ATP7B: variants seen among roughly 807,000 people sequenced by gnomAD.
ATP7B encodes the protein ATPase copper transporting beta.
ATP7B carries 113 observed loss-of-function variants against 118.9 expected under a neutral mutation model. That is an observed-to-expected ratio of 0.95 (90% confidence interval 0.82 to 1.11). ATP7B has a LOEUF of 1.11. ATP7B is among the 50% of genes most tolerant of loss of function. ATP7B has a pLI of 0.00. For synonymous variants in ATP7B, 777 were observed against 727.4 expected (o/e 1.07, Z -1.10); for missense variants, 1,867 against 1,871.4 (o/e 1.00, Z 0.04).
chr13:51,975,411 A>T (rs1350897323), intron 1 of ATP7B: 3 of 675,352 alleles, frequency 4.4e-6, no homozygotes, highest in South Asian at 1.4e-5. Context: ...TCGTTCTCAC[A>T]CAACAGACGT....
chr13:51,990,408 G>T (rs1952851812), intron 1 of ATP7B, among the ~76,000 whole-genome samples: 2 of 151,906 alleles, frequency 1.3e-5, no homozygotes, highest in South Asian at 4.2e-4. Context: ...CCATCGAACA[G>T]AAATCTATGT....
At chr13:51,968,915 C>T (rs1480292927) in intron 3 of ATP7B, among the ~76,000 whole-genome samples, 1 of 144,804 alleles carries the variant, frequency 6.9e-6, no homozygotes, top group Non-Finnish European at 1.5e-5. Flanking sequence ...AGGCTGGGTA[C>T]AGTAGCATGA....
chr13:51,972,298 C>T (rs572691348), intron 2 of ATP7B, among the ~76,000 whole-genome samples: 1 of 152,332 alleles, frequency 6.6e-6, no homozygotes, highest in African/African-American at 2.4e-5. Flanking sequence ...CGATTCAGAC[C>T]TTGGCCTCTG....
At chr13:51,966,869 G>A in intron 4 of ATP7B, 3 of 1,612,798 alleles carry the variant, frequency 1.9e-6, no homozygotes, top group Non-Finnish European at 2.5e-6. Context: ...AAGCCAGATT[G>A]TATCATCACT....
In ATP7B at chr13:51,935,751, G is replaced by C. The variant is rs188698847; in HGVS notation, c.4022-56C>G. On this transcript the variant is annotated intron_variant, in intron 19 of 20. Coordinates refer to ENST00000242839, the MANE Select transcript of ATP7B (RefSeq NM_000053.4). ...AGGTCTGGGGAGAGGAGCCAGGAGA[G>C]GGCTTCAGGCACCGGGCTGCCCCAC... 22 of 1,513,390 alleles carry C rather than the reference G, an allele frequency of 1.5e-5. No individual in the cohort carries two copies. In the East Asian group the frequency reaches 3.3e-4, roughly 23 times the overall value. The allele number at this position is 1,513,390 out of a possible 1,614,324, so 93.7% of individuals were successfully genotyped here. A position where few individuals can be genotyped will look rare whatever the true frequency, so the allele number is the denominator to read the frequency against.
chr13:51,948,997 C>T (rs537937953), intron 12 of ATP7B, among the ~76,000 whole-genome samples: 26 of 152,186 alleles, frequency 1.7e-4, no homozygotes, highest in Middle Eastern at 3.4e-3. Flanking sequence ...CTGACTAATA[C>T]GGTGAAACCC....
intron 2 of ATP7B, among the ~76,000 whole-genome samples, chr13:51,973,333 G>A (rs1054768216): frequency 1.3e-5 from 2 of 152,194 alleles, no homozygotes; most frequent in African/African-American, 4.8e-5. Flanking sequence ...AGTCAGCCAT[G>A]GTTTGACTGT....
At position 51,945,367 on chromosome 13, in the gene ATP7B, C is replaced by T. The variant is rs566696451; in HGVS notation, c.3060+917G>A. ...ATTCAACAGATAACTTCTGAATGCA[C>T]TTGATGTCTCAGGTTAGATGCTGGG... On this transcript the variant is annotated intron_variant, in intron 13 of 20. Transcript: ENST00000242839. 2.0e-5 allele frequency among the ~76,000 whole-genome samples: 3 copies of T among 152,314 alleles called. No individual in the cohort carries two copies. The South Asian group carries it at 6.2e-4, about 32-fold the overall frequency.
At chr13:52,003,316 T>C (rs1953605539) in intron 1 of ATP7B, among the ~76,000 whole-genome samples, 1 of 152,122 alleles carries the variant, frequency 6.6e-6, no homozygotes, top group Non-Finnish European at 1.5e-5. Flanking sequence ...ATTTTAATAT[T>C]GTTGTGTCTT....
Position 51,964,918 on chromosome 13 carries a change from A to G in ATP7B, c.1823T>C (p.Phe608Ser), listed in dbSNP as rs1003808817. 1.2e-6 allele frequency: 2 copies of G among 1,614,214 alleles called. No individual in the cohort carries two copies. Among genetic ancestry groups the G allele is most frequent in the East Asian group, 2.2e-5 (1 of 44,890 alleles). The change falls in exon 5 of 21, where the codon TTT becomes TCT. Residue 608 changes from phenylalanine to serine, a missense_variant. Coordinates refer to ENST00000242839, the MANE Select transcript of ATP7B (RefSeq NM_000053.4). ...ALATSKALVK[F>S]DPEIIGPRDI... ...CCGTGGACCGATAATTTCCGGGTCAAACTTAACAAGGGCTTTGCTGGTGGC... is the reference window on the plus strand; with the variant it reads ...CCGTGGACCGATAATTTCCGGGTCAGACTTAACAAGGGCTTTGCTGGTGGC...
intron 9 of ATP7B, among the ~76,000 whole-genome samples, chr13:51,951,562 T>C (rs535619312): frequency 3.3e-5 from 5 of 152,252 alleles, no homozygotes; most frequent in Non-Finnish European, 5.9e-5. Flanking sequence ...CATGAGATCA[T>C]ATAAGCGCCC....
At chr13:51,944,379 T>C in intron 13 of ATP7B, 88 bp from the exon 14 acceptor site, 1 of 1,528,432 alleles carries the variant, frequency 6.5e-7, no homozygotes, top group Non-Finnish European at 8.9e-7. Context: ...TCACCCAACC[T>C]GCCTCAGACA....
chr13:52,007,114 G>A (rs1953808361), intron 1 of ATP7B, among the ~76,000 whole-genome samples: 1 of 152,200 alleles, frequency 6.6e-6, no homozygotes, highest in African/African-American at 2.4e-5. Context: ...ATCATGTCGA[G>A]AATCCATTCA....
rs61733684 is a variant in ATP7B at position 51,958,491 on chromosome 13, C to T, written c.2175G>A (p.Arg725=). 3.6e-3 allele frequency: 5,790 copies of T among 1,614,198 alleles called. 13 individuals are homozygous for T. The highest frequency in any genetic ancestry group is 4.2e-3 in the Non-Finnish European group (4,915 of 1,180,050). The change falls in exon 8 of 21, where the codon AGG becomes AGA. Residue 725 remains arginine (R), a synonymous_variant. Transcript: ENST00000242839. ...CGATGAGCACGTCCATGTTGGCTGA[C>T]CTGTGTCTCAGAGATTTGTAGGCCT... ...YVQAYKSLRH[R]SANMDVLIVL...
intron 1 of ATP7B, among the ~76,000 whole-genome samples, chr13:51,977,492 C>T (rs1490846834): frequency 6.6e-6 from 1 of 152,108 alleles, no homozygotes; most frequent in African/African-American, 2.4e-5. Flanking sequence ...TCTTCAGGTG[C>T]GATAACAGGC....
chr13:52,001,872 C>T (rs1375643327), intron 1 of ATP7B, among the ~76,000 whole-genome samples: 1 of 152,128 alleles, frequency 6.6e-6, no homozygotes, highest in East Asian at 1.9e-4. Flanking sequence ...CTCACTGCAG[C>T]CTCCGCCTCC....
chr13:51,941,737 G>C (rs1957345432), intron 15 of ATP7B, among the ~76,000 whole-genome samples: 1 of 152,118 alleles, frequency 6.6e-6, no homozygotes, highest in Non-Finnish European at 1.5e-5. Context: ...AGGTGTCACT[G>C]AACGGCCAGG....
chr13:51,946,866 T>C (rs959353071), intron 12 of ATP7B, among the ~76,000 whole-genome samples: 8 of 152,190 alleles, frequency 5.3e-5, no homozygotes, highest in Admixed American at 6.5e-5. Flanking sequence ...CATATAAACA[T>C]ATAAATATAC....
chr13:51,957,794 G>A, intron 8 of ATP7B, 187 bp from the exon 9 acceptor site: 1 of 626,752 alleles, frequency 1.6e-6, no homozygotes, highest in Non-Finnish European at 2.9e-6. Context: ...CACTTCCACA[G>A]TGATGCACAG....
Sources: gnomAD v4.1 joint callset for allele counts (sites outside exome capture counted in the v4.1 genomes callset) on GRCh38, gnomAD v4.1.1 for gene constraint, MANE v1.5 for transcripts, NCBI Gene and HGNC (gene_info 2026-07-23, HGNC 2026-07-21) for gene names.